The following EPHA6 variants were observed in gnomAD, a reference collection of about 807,000 sequenced individuals.
EPHA6 encodes the protein ephrin type-A receptor 6.
EPHA6 carries 50 observed loss-of-function variants against 112.0 expected under a neutral mutation model. The observed-to-expected ratio is 0.45, with a 90% CI of 0.36 to 0.56. EPHA6 has a LOEUF of 0.56. Ranked by LOEUF, EPHA6 falls within the 20% of genes least tolerant of loss-of-function variation. The probability of loss-of-function intolerance (pLI) is 0.00; values close to 1 mark genes in which losing one functional copy is unlikely to be tolerated. For missense variants in EPHA6, 1,280 were observed against 1,417.4 expected, an observed-to-expected ratio of 0.90 and a Z score of 1.56; for synonymous variants, 529 against 490.7, an observed-to-expected ratio of 1.08 and a Z score of -1.03.
intron 2 of EPHA6, among the ~76,000 whole-genome samples, chr3:96,889,404 G>C (rs781739510): frequency 6.6e-6 from 1 of 152,290 alleles, no homozygotes; most frequent in South Asian, 2.1e-4. Flanking sequence ...AGGTTTATTG[G>C]AGTCACAGTT....
At chr3:97,405,710 GA>G (rs2087295938) in intron 6 of EPHA6, among the ~76,000 whole-genome samples, 1 of 152,010 alleles carries the variant, frequency 6.6e-6, no homozygotes, top group Non-Finnish European at 1.5e-5. Context: ...CTATAATTTG[GA>G]AAGTATTATT....
intron 3 of EPHA6, among the ~76,000 whole-genome samples, chr3:97,103,335 G>T (rs772112442): frequency 1.3e-5 from 2 of 151,820 alleles, no homozygotes; most frequent in Non-Finnish European, 2.9e-5. Context: ...GTAGGGAGGG[G>T]ATCCAGTTGC....
intron 5 of EPHA6, among the ~76,000 whole-genome samples, chr3:97,281,326 T>C (rs545542533): frequency 1.3e-5 from 2 of 152,244 alleles, no homozygotes; most frequent in Admixed American, 6.5e-5. Flanking sequence ...ATAACTTCTT[T>C]GGGGGAAAAG....
intron 3 of EPHA6, among the ~76,000 whole-genome samples, chr3:97,084,895 C>G (rs1420498518): frequency 6.6e-6 from 1 of 152,064 alleles, no homozygotes; most frequent in Non-Finnish European, 1.5e-5. Flanking sequence ...CTTTAGTTAT[C>G]TAAACATTCC....
At chr3:96,856,744 A>G (rs563288856) in intron 1 of EPHA6, among the ~76,000 whole-genome samples, 1 of 152,228 alleles carries the variant, frequency 6.6e-6, no homozygotes, top group East Asian at 1.9e-4. Flanking sequence ...AAAAAGTAAA[A>G]CAGGGTCACT....
At chr3:97,493,906 C>A (rs746409798) in intron 10 of EPHA6, among the ~76,000 whole-genome samples, 1 of 151,896 alleles carries the variant, frequency 6.6e-6, no homozygotes, top group Non-Finnish European at 1.5e-5. Context: ...CAATAGGTCT[C>A]CCAGAGTAAA....
intron 10 of EPHA6, among the ~76,000 whole-genome samples, chr3:97,487,637 C>G (rs1015397129): frequency 1.3e-5 from 2 of 152,138 alleles, no homozygotes; most frequent in Non-Finnish European, 2.9e-5. Context: ...CCTTCTTTCC[C>G]TATAAATTTC....
At chr3:97,101,896 A>G (rs780537643) in intron 3 of EPHA6, among the ~76,000 whole-genome samples, 1 of 152,014 alleles carries the variant, frequency 6.6e-6, no homozygotes, top group Non-Finnish European at 1.5e-5. Context: ...TATTTTGACT[A>G]TTCATTGACA....
At position 96,895,784 on chromosome 3, in the gene EPHA6, T is replaced by C. The variant is rs568787866; in HGVS notation, c.450+28895T>C. ...TCCTGGGCATCCCCTGGTTTATAGG[T>C]GCATCGCTCTACTTTGATCTGCCAT... On this transcript the variant is annotated intron_variant, in intron 2 of 17. Transcript: ENST00000389672. Among the ~76,000 whole-genome samples the C allele has an allele frequency of 5.3e-5, 8 of 152,338 alleles. No individual in the cohort carries two copies. The South Asian group carries it at 1.5e-3, about 28-fold the overall frequency.
At chr3:97,526,509 C>A (rs192006423) in intron 10 of EPHA6, among the ~76,000 whole-genome samples, 2 of 152,266 alleles carry the variant, frequency 1.3e-5, no homozygotes, top group Non-Finnish European at 2.9e-5. Context: ...CCAATAGATC[C>A]CTATGTGGTC....
In EPHA6 at chr3:97,014,107, G is replaced by A. The variant is rs181951675; in HGVS notation, c.1114+26114G>A. Among the ~76,000 whole-genome samples, 202 of 152,032 alleles carry A rather than the reference G, an allele frequency of 1.3e-3. 1 individual carries two copies. Among genetic ancestry groups the A allele is most frequent in the Middle Eastern group, 6.8e-3 (2 of 294 alleles). ...TTGATTAAACTTTCCTGTAAAATGT[G>A]ACTATATTTTCCCATTTTATACCTC... On this transcript the variant is annotated intron_variant, in intron 3 of 17. Coordinates refer to ENST00000389672, the MANE Select transcript of EPHA6 (RefSeq NM_001080448.3).
At chr3:97,616,979 A>C (rs574862136) in intron 13 of EPHA6, among the ~76,000 whole-genome samples, 1 of 152,264 alleles carries the variant, frequency 6.6e-6, no homozygotes, top group East Asian at 1.9e-4. Context: ...ACACATAATC[A>C]TCAGATTCTC....
chr3:97,030,344 C>G (rs1364885865), intron 3 of EPHA6, among the ~76,000 whole-genome samples: 1 of 152,044 alleles, frequency 6.6e-6, no homozygotes, highest in Admixed American at 6.6e-5. Context: ...CTGCCACTCT[C>G]TGAGAAAGGC....
intron 10 of EPHA6, among the ~76,000 whole-genome samples, chr3:97,508,205 G>T (rs1560082187): frequency 6.6e-6 from 1 of 151,834 alleles, no homozygotes; most frequent in Non-Finnish European, 1.5e-5. Context: ...TCTTCTGCTA[G>T]CTTTTGAATT....
At chr3:97,022,407 T>C (rs2044494303) in intron 3 of EPHA6, among the ~76,000 whole-genome samples, 1 of 152,216 alleles carries the variant, frequency 6.6e-6, no homozygotes, top group African/African-American at 2.4e-5. Context: ...GTTATTAGTT[T>C]ATTTCATTAT....
Position 97,723,925 on chromosome 3 carries a change from A to ATCT in EPHA6, c.2934+3515_2934+3516insTCT, listed in dbSNP as rs1246170180. Among the ~76,000 whole-genome samples, 6 of 152,328 alleles carry ATCT rather than the reference A, an allele frequency of 3.9e-5. No homozygotes were observed. In the East Asian group the frequency reaches 1.2e-3, roughly 29 times the overall value. The stretch of plus-strand genomic sequence containing the variant: ...GAAATAGCTTAATCAAAAACTTCCC[A>ATCT]GCTGCTCTTTCCAAATACTGGCTAT... On this transcript the variant is annotated intron_variant, in intron 15 of 17. Transcript: ENST00000389672.
chr3:96,981,498 G>C (rs79935658), intron 2 of EPHA6, among the ~76,000 whole-genome samples: 1 of 151,820 alleles, frequency 6.6e-6, no homozygotes, highest in Non-Finnish European at 1.5e-5. Context: ...CAGGGATATT[G>C]GTCTAAAATT....
chr3:97,677,616 G>A (rs2031505713), intron 14 of EPHA6, among the ~76,000 whole-genome samples: 1 of 151,960 alleles, frequency 6.6e-6, no homozygotes, highest in South Asian at 2.1e-4. Context: ...AGCTATTTGG[G>A]TGGTTGAGGC....
chr3:97,719,746 A>C (rs895833312), intron 14 of EPHA6, among the ~76,000 whole-genome samples: 2 of 152,224 alleles, frequency 1.3e-5, no homozygotes, highest in African/African-American at 2.4e-5. Context: ...TTCATATAAA[A>C]TAAATGTAAT....
Sources: allele counts gnomAD v4.1 joint callset (sites outside exome capture counted in the v4.1 genomes callset), GRCh38; gene constraint gnomAD v4.1.1; transcripts MANE v1.5; gene names NCBI Gene and HGNC (gene_info 2026-07-23, HGNC 2026-07-21).